Variants in MMEL1 observed in about 807,000 individuals in gnomAD.
MMEL1 encodes membrane metalloendopeptidase like 1, also known as membrane metallo-endopeptidase-like 1.
In MMEL1, 98 loss-of-function variants were observed where a neutral mutation model predicts 117.1. The ratio of observed to expected loss-of-function variants is 0.84; its 90% CI spans 0.71 to 0.99. The LOEUF (loss-of-function observed/expected upper bound fraction) is 0.99. Among genes scored for constraint, MMEL1 ranks in the 50% least tolerant of loss-of-function variants. The pLI, the probability that MMEL1 is intolerant of heterozygous loss-of-function variation, is 0.00. For missense variants in MMEL1, 1,014 were observed against 1,049.1 expected (o/e 0.97, Z 0.46); for synonymous variants, 390 against 415.1 (o/e 0.94, Z 0.74).
rs1423095131 is a variant in MMEL1, at chr1:2,594,455, A to G, written c.1689-12T>C. On this transcript the variant is annotated splice_polypyrimidine_tract_variant and intron_variant, in intron 17 of 23. Transcript: ENST00000378412. ...CCCCGATGATCCAGCTGTGATAGAC[A>G]AGCCGGTCTCTGGGAGCCGCCTCTC... 24 of 1,551,186 alleles carry G rather than the reference A, an allele frequency of 1.5e-5. No individual in the cohort carries two copies. The highest frequency in any genetic ancestry group is 1.8e-5 in the Non-Finnish European group (21 of 1,146,924).
chr1:2,626,766 C>T (rs908985885), intron 2 of MMEL1, among the ~76,000 whole-genome samples: 3 of 152,094 alleles, frequency 2.0e-5, no homozygotes, highest in African/African-American at 7.2e-5. Flanking sequence ...TCTAAGATAA[C>T]TGTCGAAAAG....
At chr1:2,615,725 C>T (rs1645190696) in intron 2 of MMEL1, among the ~76,000 whole-genome samples, 2 of 152,126 alleles carry the variant, frequency 1.3e-5, no homozygotes, top group Admixed American at 6.5e-5. Flanking sequence ...TACTATTTTG[C>T]AATGCTTCTG....
intron 2 of MMEL1, among the ~76,000 whole-genome samples, chr1:2,618,993 T>C (rs899062955): frequency 2.6e-5 from 4 of 152,160 alleles, no homozygotes; most frequent in Non-Finnish European, 5.9e-5. Context: ...AATTATTTTT[T>C]TTCTTCTATC....
At chr1:2,592,085 C>T in intron 21 of MMEL1, 58 bp from the exon 22 acceptor site, 2 of 1,438,880 alleles carry the variant, frequency 1.4e-6, no homozygotes, top group Non-Finnish European at 1.9e-6. Context: ...CCAGAACCCT[C>T]AGATCTCAGG....
rs1339569557 is a variant in MMEL1 at position 2,629,323 on chromosome 1, G to A, written c.154+8C>T. 3 of 1,529,264 alleles carry A rather than the reference G, an allele frequency of 2.0e-6. No homozygotes were observed. The highest frequency in any genetic ancestry group is 2.5e-5 in the East Asian group (1 of 39,946). 94.7% of individuals were successfully genotyped at this position (1,529,264 alleles called of 1,614,324 possible). A position where few individuals can be genotyped will look rare whatever the true frequency, so the allele number is the denominator to read the frequency against. On this transcript the variant is annotated splice_region_variant and intron_variant, in intron 2 of 23. Transcript: ENST00000378412. ...GGGGACAGGCGGGGGCGGGGCACCC[G>A]CACTCACCTCTGCGGTCGGCGTAGA...
Position 2,591,830 on chromosome 1 carries a change from C to A in MMEL1, c.2163+102G>T. On this transcript the variant is annotated intron_variant, in intron 22 of 23. Coordinates refer to ENST00000378412, the MANE Select transcript of MMEL1 (RefSeq NM_033467.4). Reference sequence around the variant, plus strand: ...CCCCTCATGCTTTTCCCCCAAGGGGCCTTCCATGCTGGGCTCTGGTCCCTG... The same window carrying A: ...CCCCTCATGCTTTTCCCCCAAGGGGACTTCCATGCTGGGCTCTGGTCCCTG... 10 of 1,244,548 alleles carry A rather than the reference C, an allele frequency of 8.0e-6. 1 individual carries two copies. The South Asian group carries it at 8.9e-5, about 11-fold the overall frequency. 77.1% of individuals were successfully genotyped at this position (1,244,548 alleles called of 1,614,324 possible).
At chr1:2,605,989 C>A (rs991401523) in intron 8 of MMEL1, among the ~76,000 whole-genome samples, 21 of 152,304 alleles carry the variant, frequency 1.4e-4, no homozygotes, top group African/African-American at 4.6e-4. Context: ...CCGGTTCCAG[C>A]CCCGCTGTTC....
At position 2,609,806 on chromosome 1, in the gene MMEL1, G is replaced by A. The variant is rs748184824; in HGVS notation, c.318C>T (p.Asp106=). 22 of 1,612,142 alleles carry A rather than the reference G, an allele frequency of 1.4e-5. No individual in the cohort carries two copies. In the Admixed American group the frequency reaches 3.7e-4, roughly 27 times the overall value. ...AGTCGTCACACGGTTCCGTGGTCGG[G>A]TCCATGTTCTGGAGGATCCTGGCAG... ...IAAARILQNM[D]PTTEPCDDFY... is the part of the protein sequence containing the mutation. Residue 106 remains aspartate, a synonymous_variant, in exon 5 of 24, where the codon GAC becomes GAT. Coordinates refer to ENST00000378412, the MANE Select transcript of MMEL1 (RefSeq NM_033467.4).
intron 2 of MMEL1, among the ~76,000 whole-genome samples, chr1:2,615,030 C>G (rs1458510372): frequency 6.6e-6 from 1 of 151,970 alleles, no homozygotes; most frequent in Admixed American, 6.6e-5. Flanking sequence ...GATTATAATG[C>G]AAAGTGTAAA....
intron 5 of MMEL1, 117 bp downstream of exon 5, chr1:2,609,553 G>T: frequency 1.3e-6 from 2 of 1,516,526 alleles, no homozygotes; most frequent in Admixed American, 1.8e-5. Flanking sequence ...TCTCCTCTGC[G>T]CCCACTGGAC....
chr1:2,626,114 T>C (rs1199809283), intron 2 of MMEL1, among the ~76,000 whole-genome samples: 2 of 152,312 alleles, frequency 1.3e-5, no homozygotes, highest in East Asian at 1.9e-4. Flanking sequence ...TGCACTTTGC[T>C]TGGAAGGAGA....
At position 2,611,444 on chromosome 1, in the gene MMEL1, G is replaced by A. The variant is rs374051081; in HGVS notation, c.233-104C>T. ...GGTCTGGTGGGTGTGGCATGGGGAT[G>A]GGCATAGACTGGGGTGGGCGGGGCA... On this transcript the variant is annotated intron_variant, in intron 3 of 23. Transcript: ENST00000378412. 154 of 667,400 alleles carry A rather than the reference G, an allele frequency of 2.3e-4. No individual in the cohort carries two copies. In the East Asian group the frequency reaches 4.0e-3, roughly 17 times the overall value. The allele number at this position is 667,400 out of a possible 1,614,324, so 41.3% of individuals were successfully genotyped here.
At chr1:2,628,548 G>C (rs116257185) in intron 2 of MMEL1, among the ~76,000 whole-genome samples, 3,485 of 152,302 alleles carry the variant, frequency 0.023, 139 homozygotes, top group African/African-American at 0.08. Flanking sequence ...CGATGTGTGC[G>C]CGCTGCCCGG....
chr1:2,591,910 G>A (rs760332836), intron 22 of MMEL1, 22 bp downstream of exon 22: 1 of 1,605,140 alleles, frequency 6.2e-7, no homozygotes, highest in East Asian at 2.2e-5. Flanking sequence ...GGGGATGGTG[G>A]GACCAGGACT....
Position 2,598,311 on chromosome 1 carries a change from A to G in MMEL1, c.1179-11T>C. The G allele has an allele frequency of 6.2e-7, 1 of 1,613,558 alleles. No individual in the cohort carries two copies. The highest frequency in any genetic ancestry group is 8.5e-7 in the Non-Finnish European group (1 of 1,179,664). ...TAGTTCTGTATGGTCCTGGGGGCAG[A>G]AGGTAGAGGGTGAGGGGAGAACAGG... On this transcript the variant is annotated splice_polypyrimidine_tract_variant and intron_variant, in intron 12 of 23. Transcript: ENST00000378412.
chr1:2,603,793 C>G lies in MMEL1; in HGVS notation c.1041+91G>C, dbSNP rs886460582. On this transcript the variant is annotated intron_variant, in intron 11 of 23. Coordinates refer to ENST00000378412, the MANE Select transcript of MMEL1 (RefSeq NM_033467.4). ...TGGGGAATGTTTCTGAGCTTAAATG[C>G]CAGGCAACGTGCCCTCTCAGAGGGC... 3 of 1,153,900 alleles carry G rather than the reference C, an allele frequency of 2.6e-6. No individual in the cohort carries two copies. In the Admixed American group the frequency reaches 6.0e-5, roughly 23 times the overall value. 71.5% of individuals were successfully genotyped at this position (1,153,900 alleles called of 1,614,324 possible).
chr1:2,603,939 A>T lies in MMEL1; in HGVS notation c.986T>A (p.Ile329Asn). ...CAGTCCCATCCGGTGGTACAAGGCG[A>T]TGACGTCGTGTCTCTCCTCCTGGGG... Reference protein sequence around the residue: ...TVPQEERHDVIALYHRMGLEE... With the variant: ...TVPQEERHDVNALYHRMGLEE... Residue 329 changes from isoleucine (I) to asparagine (N), a missense_variant, in exon 11 of 24, where the codon ATC becomes AAC. Ile to Asn is a moderately radical substitution (Grantham distance 149). Transcript: ENST00000378412. 1 of 1,613,864 alleles carries T rather than the reference A, an allele frequency of 6.2e-7. No individual in the cohort carries two copies. Among genetic ancestry groups the T allele is most frequent in the South Asian group, 1.1e-5 (1 of 91,078 alleles).
intron 11 of MMEL1, among the ~76,000 whole-genome samples, chr1:2,599,864 A>G (rs1341955528): frequency 2.0e-5 from 3 of 151,964 alleles, no homozygotes; most frequent in Non-Finnish European, 4.4e-5. Context: ...CTCAAAAAAA[A>G]AAAAAAGATA....
At chr1:2,608,759 T>C (rs1438607603) in intron 6 of MMEL1, among the ~76,000 whole-genome samples, 1 of 152,118 alleles carries the variant, frequency 6.6e-6, no homozygotes, top group African/African-American at 2.4e-5. Flanking sequence ...AACACACATG[T>C]GCACACAATG....
Sources: gnomAD v4.1 joint callset for allele counts (sites outside exome capture counted in the v4.1 genomes callset) on GRCh38, gnomAD v4.1.1 for gene constraint, MANE v1.5 for transcripts, NCBI Gene and HGNC (gene_info 2026-07-23, HGNC 2026-07-21) for gene names.